Variants in MYO5A observed in about 807,000 individuals in gnomAD.
MYO5A encodes the protein myosin VA, also known as unconventional myosin-Va.
Under a neutral mutation model 249.7 loss-of-function variants are expected in MYO5A, and 98 were observed. The observed-to-expected ratio is 0.39, with a 90% CI of 0.33 to 0.46. MYO5A has a LOEUF of 0.46. Among genes scored for constraint, MYO5A ranks in the 20% least tolerant of loss-of-function variants. The probability of loss-of-function intolerance (pLI) is 0.98; values close to 1 mark genes in which losing one functional copy is unlikely to be tolerated. For synonymous variants in MYO5A, 778 were observed against 810.6 expected (o/e 0.96, Z 0.68); for missense variants, 1,696 against 2,308.8 (o/e 0.73, Z 5.44).
chr15:52,493,980 C>A (rs542726122), intron 1 of MYO5A, among the ~76,000 whole-genome samples: 63 of 152,192 alleles, frequency 4.1e-4, no homozygotes, highest in Admixed American at 3.0e-3. Flanking sequence ...ACTAAAAGCC[C>A]AAGAGCAAAC....
At chr15:52,374,220 T>G (rs905952193) in intron 20 of MYO5A, among the ~76,000 whole-genome samples, 1 of 152,228 alleles carries the variant, frequency 6.6e-6, no homozygotes, top group Non-Finnish European at 1.5e-5. Flanking sequence ...CCATTAATTA[T>G]TGCTAGATGT....
At chr15:52,450,843 GTTTTTTTTTT>G (rs56842960) in intron 1 of MYO5A, among the ~76,000 whole-genome samples, 1 of 84,590 alleles carries the variant, frequency 1.2e-5, no homozygotes, top group Admixed American at 1.4e-4. Context: ...CACTACTGTG[GTTTTTTTTTT>G]TTTTTTTTTT....
At chr15:52,349,995 C>T (rs2039861304) in intron 28 of MYO5A, among the ~76,000 whole-genome samples, 2 of 152,354 alleles carry the variant, frequency 1.3e-5, no homozygotes, top group East Asian at 1.9e-4. Context: ...CGCAGTGGCA[C>T]GATCTCGGCT....
In MYO5A at chr15:52,505,117, G is replaced by A. The variant is rs987073562; in HGVS notation, c.27+23663C>T. 1.9e-5 allele frequency: 13 copies of A among 679,368 alleles called. No homozygotes were observed. In the Admixed American group the frequency reaches 2.4e-4, roughly 13 times the overall value. 42.1% of individuals were successfully genotyped at this position (679,368 alleles called of 1,614,324 possible). On this transcript the variant is annotated intron_variant, in intron 1 of 41. Coordinates refer to ENST00000399233, the MANE Select transcript of MYO5A (RefSeq NM_001382347.1). ...TTTTCAAATGCAACAAAAGGTCCAA[G>A]GACAATCTGTGGGCCACTTAATTCA...
intron 24 of MYO5A, among the ~76,000 whole-genome samples, chr15:52,364,141 G>C (rs764976249): frequency 2.6e-5 from 4 of 152,068 alleles, no homozygotes; most frequent in Non-Finnish European, 5.9e-5. Flanking sequence ...GGGAGGCTGA[G>C]GCAGGAGAAT....
intron 1 of MYO5A, among the ~76,000 whole-genome samples, chr15:52,474,383 T>C (rs1373226643): frequency 6.6e-6 from 1 of 152,188 alleles, no homozygotes; most frequent in Non-Finnish European, 1.5e-5. Flanking sequence ...CCTTTCTTTC[T>C]TTCTCCTGCC....
chr15:52,353,165 C>G (rs1039095023), intron 27 of MYO5A, among the ~76,000 whole-genome samples: 5 of 152,188 alleles, frequency 3.3e-5, no homozygotes, highest in South Asian at 2.1e-4. Flanking sequence ...CCTGCTGGTC[C>G]AGGGACCATA....
intron 7 of MYO5A, among the ~76,000 whole-genome samples, chr15:52,407,712 T>C (rs1206095970): frequency 2.6e-5 from 4 of 152,114 alleles, no homozygotes; most frequent in Admixed American, 6.6e-5. Context: ...TAAGAAACCC[T>C]ACTGGCTTCT....
At chr15:52,493,683 T>TA (rs1364207159) in intron 1 of MYO5A, among the ~76,000 whole-genome samples, 1 of 151,780 alleles carries the variant, frequency 6.6e-6, no homozygotes, top group Non-Finnish European at 1.5e-5. Context: ...AAAAAAAATG[T>TA]ATTCTTTAGC....
At chr15:52,483,381 T>C (rs1284977778) in intron 1 of MYO5A, among the ~76,000 whole-genome samples, 1 of 152,182 alleles carries the variant, frequency 6.6e-6, no homozygotes, top group African/African-American at 2.4e-5. Flanking sequence ...AGGGGTACAG[T>C]TACCCTTTGA....
intron 1 of MYO5A, among the ~76,000 whole-genome samples, chr15:52,449,472 C>A (rs1333248615): frequency 2.0e-5 from 3 of 152,148 alleles, no homozygotes; most frequent in African/African-American, 7.2e-5. Context: ...TTCCCCCATC[C>A]TCATCACCCA....
At chr15:52,403,639 T>C (rs1338229191) in intron 9 of MYO5A, among the ~76,000 whole-genome samples, 2 of 152,214 alleles carry the variant, frequency 1.3e-5, no homozygotes, top group Non-Finnish European at 2.9e-5. Context: ...TGGTTGCACA[T>C]ATCTGTGAAT....
chr15:52,383,556 G>A lies in MYO5A; in HGVS notation c.1915-368C>T, dbSNP rs115590150. The stretch of plus-strand genomic sequence containing the variant: ...ATTTTGATGGAAGATACTGGAAAAC[G>A]TAGCAGATGACTTAAAAGAGTATAG... On this transcript the variant is annotated intron_variant, in intron 15 of 41. Transcript: ENST00000399233. 2.4e-3 allele frequency among the ~76,000 whole-genome samples: 373 copies of A among 152,304 alleles called. 2 individuals carry two copies. The highest frequency in any genetic ancestry group is 8.7e-3 in the African/African-American group (360 of 41,546).
intron 4 of MYO5A, among the ~76,000 whole-genome samples, chr15:52,420,631 A>G (rs2043741881): frequency 6.6e-6 from 1 of 152,174 alleles, no homozygotes; most frequent in Non-Finnish European, 1.5e-5. Context: ...AGACTAAGAT[A>G]CTCATATAAT....
At chr15:52,432,495 T>C (rs553805532) in intron 2 of MYO5A, among the ~76,000 whole-genome samples, 1 of 152,350 alleles carries the variant, frequency 6.6e-6, no homozygotes, top group African/African-American at 2.4e-5. Flanking sequence ...TGTGTTCAAA[T>C]CTCACTTCAA....
intron 30 of MYO5A, among the ~76,000 whole-genome samples, chr15:52,344,166 G>A (rs527877391): frequency 6.6e-6 from 1 of 152,228 alleles, no homozygotes; most frequent in South Asian, 2.1e-4. Flanking sequence ...TTTACATCTA[G>A]AGAGTTCATA....
At chr15:52,446,967 G>C (rs117571178) in intron 1 of MYO5A, among the ~76,000 whole-genome samples, 1 of 152,274 alleles carries the variant, frequency 6.6e-6, no homozygotes, top group East Asian at 1.9e-4. Context: ...AAGGAGAAAA[G>C]TCTCAGATAA....
rs2039463883 is a variant in MYO5A, at chr15:52,343,255, G to A, written c.3960-58C>T. On this transcript the variant is annotated intron_variant, in intron 30 of 41. Transcript: ENST00000399233. ...CAAAAGGATACAGGATGCTGATGAG[G>A]TGACGATGGTCAACAGCAGCATGCA... 2.9e-6 allele frequency: 4 copies of A among 1,389,566 alleles called. No homozygotes were observed. In the Admixed American group the frequency reaches 5.0e-5, roughly 17 times the overall value. The allele number at this position is 1,389,566 out of a possible 1,614,324, so 86.1% of individuals were successfully genotyped here.
At chr15:52,439,017 G>A (rs549651710) in intron 1 of MYO5A, among the ~76,000 whole-genome samples, 5 of 152,314 alleles carry the variant, frequency 3.3e-5, no homozygotes, top group South Asian at 4.1e-4. Flanking sequence ...CTAAGTGCCC[G>A]GGTTCGTCCT....
Sources: gnomAD v4.1 joint callset for allele counts (sites outside exome capture counted in the v4.1 genomes callset) on GRCh38, gnomAD v4.1.1 for gene constraint, MANE v1.5 for transcripts, NCBI Gene and HGNC (gene_info 2026-07-23, HGNC 2026-07-21) for gene names.